FRMD4A: variants seen among roughly 807,000 people sequenced by gnomAD.
The protein encoded by FRMD4A is FERM domain-containing protein 4A.
FRMD4A carries 29 observed loss-of-function variants against 129.1 expected under a neutral mutation model. The ratio of observed to expected loss-of-function variants is 0.22; its 90% confidence interval spans 0.17 to 0.31. The LOEUF is 0.31. Among genes scored for constraint, FRMD4A ranks in the 10% least tolerant of loss-of-function variants. The probability of loss-of-function intolerance (pLI) is 1.00; values close to 1 mark genes in which losing one functional copy is unlikely to be tolerated. For synonymous variants in FRMD4A, 634 were observed against 571.6 expected (o/e 1.11, Z -1.56); for missense variants, 1,272 against 1,375.8 (o/e 0.92, Z 1.19).
intron 15 of FRMD4A, among the ~76,000 whole-genome samples, chr10:13,677,158 C>G (rs2084077936): frequency 6.6e-6 from 1 of 152,212 alleles, no homozygotes; most frequent in Non-Finnish European, 1.5e-5. Context: ...CATACAGGCT[C>G]TTACTACCCT....
chr10:14,292,102 A>C (rs1291197379), intron 2 of FRMD4A, among the ~76,000 whole-genome samples: 1 of 152,218 alleles, frequency 6.6e-6, no homozygotes, highest in East Asian at 1.9e-4. Context: ...TTGAAGTGTT[A>C]ATTTCCCCCA....
chr10:13,898,470 A>G (rs1329407067), intron 2 of FRMD4A, among the ~76,000 whole-genome samples: 1 of 152,242 alleles, frequency 6.6e-6, no homozygotes, highest in Non-Finnish European at 1.5e-5. Context: ...TGCCATCCCA[A>G]TGAATGAGGA....
At chr10:14,170,486 C>T (rs1564359826) in intron 2 of FRMD4A, among the ~76,000 whole-genome samples, 1 of 152,020 alleles carries the variant, frequency 6.6e-6, no homozygotes, top group Non-Finnish European at 1.5e-5. Flanking sequence ...TGAAGTACAG[C>T]GCAGGATATG....
chr10:13,859,205 A>G (rs1448898534), intron 2 of FRMD4A, among the ~76,000 whole-genome samples: 1 of 152,082 alleles, frequency 6.6e-6, no homozygotes, highest in African/African-American at 2.4e-5. Context: ...ACTAACATGG[A>G]GAAACCCCGT....
intron 2 of FRMD4A, among the ~76,000 whole-genome samples, chr10:14,105,934 C>G (rs1218076499): frequency 2.0e-5 from 3 of 152,080 alleles, no homozygotes; most frequent in Non-Finnish European, 4.4e-5. Context: ...CTCCTTCCAC[C>G]CAGGGTTATA....
intron 2 of FRMD4A, among the ~76,000 whole-genome samples, chr10:14,291,270 A>T (rs1333896224): frequency 6.6e-6 from 1 of 152,184 alleles, no homozygotes; most frequent in Admixed American, 6.5e-5. Flanking sequence ...ATCTTACCAA[A>T]GAGAAAACTG....
At chr10:13,755,308 T>G (rs974696134) in intron 8 of FRMD4A, among the ~76,000 whole-genome samples, 1 of 152,154 alleles carries the variant, frequency 6.6e-6, no homozygotes, top group African/African-American at 2.4e-5. Context: ...TACCAGTAAG[T>G]TGAGTTCAGT....
At chr10:13,908,905 T>A (rs1050860654) in intron 2 of FRMD4A, among the ~76,000 whole-genome samples, 13 of 152,232 alleles carry the variant, frequency 8.5e-5, no homozygotes, top group African/African-American at 3.1e-4. Context: ...ATTCACTGAT[T>A]ATCTAAAATT....
At chr10:13,796,311 G>A (rs2093117263) in intron 5 of FRMD4A, among the ~76,000 whole-genome samples, 185 bp downstream of exon 5, 1 of 152,104 alleles carries the variant, frequency 6.6e-6, no homozygotes. Flanking sequence ...CACACTCACA[G>A]GCACACCCTG....
chr10:13,646,991 T>G lies in FRMD4A; in HGVS notation c.*47A>C. 1 of 984,254 alleles carries G rather than the reference T, an allele frequency of 1.0e-6. No homozygotes were observed. The highest frequency in any genetic ancestry group is 1.2e-6 in the Non-Finnish European group (1 of 828,464). The allele number at this position is 984,254 out of a possible 1,614,324, so 61.0% of individuals were successfully genotyped here. The stretch of plus-strand genomic sequence containing the variant: ...CCCGTACCACTGGACATCAGCTAGT[T>G]CTGGATAGAGGGAGGAATCCAGGAA... On this transcript the variant is annotated 3_prime_UTR_variant, in exon 25 of 25. Coordinates refer to ENST00000357447, the MANE Select transcript of FRMD4A (RefSeq NM_018027.5).
At chr10:14,021,698 T>C (rs1832762904) in intron 2 of FRMD4A, among the ~76,000 whole-genome samples, 1 of 152,250 alleles carries the variant, frequency 6.6e-6, no homozygotes, top group Non-Finnish European at 1.5e-5. Flanking sequence ...CAATATTTCA[T>C]TTTTAATCTG....
At chr10:13,680,284 C>G (rs1401484558) in intron 15 of FRMD4A, among the ~76,000 whole-genome samples, 1 of 151,828 alleles carries the variant, frequency 6.6e-6, no homozygotes, top group Admixed American at 6.6e-5. Context: ...TGGTGAGACT[C>G]TGTCTCTACA....
intron 4 of FRMD4A, among the ~76,000 whole-genome samples, chr10:13,808,821 C>T (rs1244960886): frequency 1.3e-5 from 2 of 152,240 alleles, no homozygotes; most frequent in East Asian, 3.9e-4. Context: ...CCCACCTAGA[C>T]TCTGGGGCAG....
chr10:14,147,735 C>A (rs1009617782), intron 2 of FRMD4A, among the ~76,000 whole-genome samples: 1 of 152,042 alleles, frequency 6.6e-6, no homozygotes, highest in Non-Finnish European at 1.5e-5. Flanking sequence ...TTCCCTTGCC[C>A]GCCACTCACC....
At chr10:14,171,448 C>G (rs1450508880) in intron 2 of FRMD4A, among the ~76,000 whole-genome samples, 1 of 152,234 alleles carries the variant, frequency 6.6e-6, no homozygotes, top group Admixed American at 6.5e-5. Context: ...AATGCACTAA[C>G]TGTGATTAGG....
intron 2 of FRMD4A, among the ~76,000 whole-genome samples, chr10:13,938,232 C>CTGTTTGTTTGTTTGTT (rs547717822): frequency 2.0e-5 from 3 of 151,558 alleles, no homozygotes; most frequent in African/African-American, 7.3e-5. Flanking sequence ...TTTGTTGTTG[C>CTGTTTGTTTGTTTGTT]TGTTTGTTTG....
At chr10:13,683,826 C>T (rs1354884805) in intron 15 of FRMD4A, among the ~76,000 whole-genome samples, 8 of 151,884 alleles carry the variant, frequency 5.3e-5, no homozygotes, top group African/African-American at 1.5e-4. Context: ...GATTCTCCTG[C>T]CTCAGCCTCC....
chr10:14,079,988 G>A (rs1171671044), intron 2 of FRMD4A, among the ~76,000 whole-genome samples: 3 of 152,184 alleles, frequency 2.0e-5, no homozygotes, highest in Non-Finnish European at 4.4e-5. Flanking sequence ...AGCATAACAT[G>A]AGCAGCTGCA....
At chr10:14,026,222 G>A (rs1428622220) in intron 2 of FRMD4A, among the ~76,000 whole-genome samples, 2 of 152,112 alleles carry the variant, frequency 1.3e-5, no homozygotes, top group Non-Finnish European at 1.5e-5. Flanking sequence ...GAGCTCTCTC[G>A]GGTATGAACG....
Sources: allele counts gnomAD v4.1 joint callset (sites outside exome capture counted in the v4.1 genomes callset), GRCh38; gene constraint gnomAD v4.1.1; transcripts MANE v1.5; gene names NCBI Gene and HGNC (gene_info 2026-07-23, HGNC 2026-07-21).